RSRC1: variants seen among roughly 807,000 people sequenced by gnomAD.
RSRC1 encodes arginine and serine rich coiled-coil 1.
RSRC1 carries 39 observed loss-of-function variants against 49.1 expected under a neutral mutation model. That is an observed-to-expected ratio of 0.79 (90% CI 0.61 to 1.04). RSRC1 has a LOEUF of 1.04. Ranked by LOEUF, RSRC1 falls within the 50% of genes least tolerant of loss-of-function variation. The probability of loss-of-function intolerance (pLI) is 0.00; values close to 1 mark genes in which losing one functional copy is unlikely to be tolerated. For missense variants in RSRC1, 388 were observed against 402.4 expected, an observed-to-expected ratio of 0.96 and a Z score of 0.31; for synonymous variants, 143 against 130.8, an observed-to-expected ratio of 1.09 and a Z score of -0.63.
At chr3:158,308,150 A>G (rs2108137765) in intron 5 of RSRC1, among the ~76,000 whole-genome samples, 1 of 152,144 alleles carries the variant, frequency 6.6e-6, no homozygotes, top group East Asian at 1.9e-4. Flanking sequence ...AAATGATCAG[A>G]TGCCGAACAG....
chr3:158,393,749 A>G (rs576010779), intron 6 of RSRC1, among the ~76,000 whole-genome samples: 1 of 152,082 alleles, frequency 6.6e-6, no homozygotes, highest in South Asian at 2.1e-4. Flanking sequence ...AGAAGAGCTG[A>G]TACTATGCCT....
intron 4 of RSRC1, among the ~76,000 whole-genome samples, chr3:158,255,430 G>C (rs1236762550): frequency 6.6e-6 from 1 of 152,252 alleles, no homozygotes; most frequent in South Asian, 2.1e-4. Context: ...CTATATCTCT[G>C]TTTTGGTACC....
chr3:158,239,854 A>G (rs1177814077), intron 4 of RSRC1, among the ~76,000 whole-genome samples: 2 of 152,228 alleles, frequency 1.3e-5, no homozygotes, highest in Non-Finnish European at 2.9e-5. Flanking sequence ...TTTCTTAACA[A>G]TAAAAGAAAG....
intron 5 of RSRC1, among the ~76,000 whole-genome samples, chr3:158,328,045 G>C (rs1729278692): frequency 6.6e-6 from 1 of 152,116 alleles, no homozygotes; most frequent in African/African-American, 2.4e-5. Flanking sequence ...TCAGAGACTA[G>C]GATTGCAACC....
intron 3 of RSRC1, among the ~76,000 whole-genome samples, chr3:158,170,307 C>CTTTTTTTTTTTTTTTT (rs11400606): frequency 7.0e-6 from 1 of 143,184 alleles, no homozygotes; most frequent in Non-Finnish European, 1.5e-5. Context: ...TCTGGTCTGC[C>CTTTTTTTTTTTTTTTT]TTTTTTTTTT....
At chr3:158,251,762 C>G (rs1724219913) in intron 4 of RSRC1, among the ~76,000 whole-genome samples, 1 of 152,172 alleles carries the variant, frequency 6.6e-6, no homozygotes, top group Non-Finnish European at 1.5e-5. Context: ...CATCTGCAAA[C>G]AAGGATAATT....
intron 3 of RSRC1, among the ~76,000 whole-genome samples, chr3:158,159,862 C>T (rs1718110701): frequency 6.6e-6 from 1 of 151,962 alleles, no homozygotes; most frequent in Non-Finnish European, 1.5e-5. Flanking sequence ...TTTGTTTGTG[C>T]CCAAGCATTT....
At chr3:158,374,605 C>G (rs924131537) in intron 6 of RSRC1, among the ~76,000 whole-genome samples, 2 of 152,126 alleles carry the variant, frequency 1.3e-5, no homozygotes, top group Admixed American at 6.5e-5. Context: ...TTTCCAATAT[C>G]TGTACAGTAC....
At chr3:158,290,469 G>A (rs12634483) in intron 4 of RSRC1, among the ~76,000 whole-genome samples, 18,343 of 152,000 alleles carry the variant, frequency 0.12, 1,377 homozygotes, top group Middle Eastern at 0.2. Context: ...TAGAGATGGG[G>A]TTTCATCGTG....
intron 6 of RSRC1, among the ~76,000 whole-genome samples, chr3:158,441,514 G>A (rs1736379125): frequency 6.6e-6 from 1 of 151,892 alleles, no homozygotes; most frequent in African/African-American, 2.4e-5. Context: ...ATAATAACAT[G>A]ATTAAGATTT....
At chr3:158,431,501 T>C (rs1735769970) in intron 6 of RSRC1, among the ~76,000 whole-genome samples, 1 of 151,916 alleles carries the variant, frequency 6.6e-6, no homozygotes. Context: ...AGTTTCTCTA[T>C]TAACTTTACC....
At chr3:158,312,333 A>G (rs1728177416) in intron 5 of RSRC1, among the ~76,000 whole-genome samples, 1 of 152,104 alleles carries the variant, frequency 6.6e-6, no homozygotes, top group African/African-American at 2.4e-5. Flanking sequence ...GCATGAGTAG[A>G]TCTTGGAACT....
At chr3:158,354,773 A>G in intron 5 of RSRC1, 84 bp from the exon 6 acceptor site, 1 of 967,982 alleles carries the variant, frequency 1.0e-6, no homozygotes, top group Non-Finnish European at 1.5e-6. Flanking sequence ...ATTTGCAAAC[A>G]AATGCATTAA....
intron 5 of RSRC1, among the ~76,000 whole-genome samples, chr3:158,327,896 C>T (rs1729266273): frequency 6.6e-6 from 1 of 152,114 alleles, no homozygotes; most frequent in African/African-American, 2.4e-5. Context: ...TAAGGACTTG[C>T]TTTATGAATG....
chr3:158,263,565 C>T (rs1034420556), intron 4 of RSRC1, among the ~76,000 whole-genome samples: 1 of 152,000 alleles, frequency 6.6e-6, no homozygotes, highest in African/African-American at 2.4e-5. Flanking sequence ...ATTTCCTTTT[C>T]AGTTTTTTGG....
At chr3:158,523,789 T>C (rs1221999386) in intron 7 of RSRC1, among the ~76,000 whole-genome samples, 3 of 152,062 alleles carry the variant, frequency 2.0e-5, no homozygotes, top group African/African-American at 4.8e-5. Flanking sequence ...AGCAGGAGCA[T>C]GGTCATAGTG....
At chr3:158,145,911 A>G (rs971935633) in intron 3 of RSRC1, among the ~76,000 whole-genome samples, 4 of 151,950 alleles carry the variant, frequency 2.6e-5, no homozygotes, top group African/African-American at 9.7e-5. Flanking sequence ...ATGGGAGTTC[A>G]CTCATGTGGC....
intron 6 of RSRC1, among the ~76,000 whole-genome samples, chr3:158,457,409 G>C (rs1045594512): frequency 1.3e-5 from 2 of 152,156 alleles, no homozygotes; most frequent in Admixed American, 6.5e-5. Context: ...TAAGGGAAGA[G>C]CATCAGGTTT....
At chr3:158,134,858 T>C (rs1408947800) in intron 3 of RSRC1, among the ~76,000 whole-genome samples, 1 of 152,188 alleles carries the variant, frequency 6.6e-6, no homozygotes, top group Non-Finnish European at 1.5e-5. Flanking sequence ...GTAACCATAA[T>C]ATTTGATTTT....
Sources: gnomAD v4.1 joint callset for allele counts (sites outside exome capture counted in the v4.1 genomes callset) on GRCh38, gnomAD v4.1.1 for gene constraint, MANE v1.5 for transcripts, NCBI Gene and HGNC (gene_info 2026-07-23, HGNC 2026-07-21) for gene names.